ORC1: variants seen among roughly 807,000 people sequenced by gnomAD.
The protein encoded by ORC1 is origin recognition complex, subunit 1 homolog.
In ORC1, 61 loss-of-function variants were observed where a neutral mutation model predicts 98.9. The observed-to-expected ratio is 0.62, with a 90% CI of 0.50 to 0.76. The LOEUF (loss-of-function observed/expected upper bound fraction) is 0.76. Among genes scored for constraint, ORC1 ranks in the 30% least tolerant of loss-of-function variants. The probability of loss-of-function intolerance (pLI) is 0.00; values close to 1 mark genes in which losing one functional copy is unlikely to be tolerated. For missense variants in ORC1, 979 were observed against 1,072.2 expected, an observed-to-expected ratio of 0.91 and a Z score of 1.21; for synonymous variants, 385 against 406.9, an observed-to-expected ratio of 0.95 and a Z score of 0.65.
intron 3 of ORC1, among the ~76,000 whole-genome samples, chr1:52,400,014 G>A (rs1647628130): frequency 6.6e-6 from 1 of 152,184 alleles, no homozygotes; most frequent in African/African-American, 2.4e-5. Context: ...TTCAGAGAAA[G>A]ACTAAAGTCA....
At chr1:52,405,473 G>A (rs889968486), upstream of ORC1, among the ~76,000 whole-genome samples, 3 of 152,192 alleles carry the variant, frequency 2.0e-5, no homozygotes, top group African/African-American at 7.2e-5. Context: ...GGTTAAGTGA[G>A]ATAATATGAA....
At position 52,383,434 on chromosome 1, in the gene ORC1, C is replaced by T; in HGVS notation, c.1999G>A (p.Val667Met). The change falls in exon 13 of 17, where the codon GTG becomes ATG. Residue 667 changes from valine to methionine, a missense_variant. Coordinates refer to ENST00000371568, the MANE Select transcript of ORC1 (RefSeq NM_004153.4). ...CTAGAACCTACCAGTCGGCTGGACA[C>T]CCGGTTCATCATGATTCGCTCTGGC... ...DLPERIMMNR[V>M]SSRLGLTRMC... The T allele has an allele frequency of 6.2e-7, 1 of 1,612,684 alleles. No homozygotes were observed. The highest frequency in any genetic ancestry group is 8.5e-7 in the Non-Finnish European group (1 of 1,180,032).
chr1:52,380,572 G>A (rs1647055898), intron 14 of ORC1, among the ~76,000 whole-genome samples: 1 of 152,028 alleles, frequency 6.6e-6, no homozygotes, highest in Non-Finnish European at 1.5e-5. Context: ...GCACACGCCT[G>A]TAATCCCAGC....
chr1:52,389,105 A>T (rs1647178847), intron 7 of ORC1, 112 bp downstream of exon 7: 18 of 826,102 alleles, frequency 2.2e-5, no homozygotes, highest in Middle Eastern at 2.9e-4. Flanking sequence ...GCTAGGTAAA[A>T]GGTCAATTTC....
chr1:52,385,467 A>G (rs1387769650), intron 9 of ORC1, among the ~76,000 whole-genome samples: 1 of 152,098 alleles, frequency 6.6e-6, no homozygotes, highest in Non-Finnish European at 1.5e-5. Context: ...CCCAAATCAC[A>G]TGGGTGGACC....
rs192261484 is a variant in ORC1, at chr1:52,381,363, C to A, written c.2133+279G>T. Among the ~76,000 whole-genome samples, 35 of 152,288 alleles carry A rather than the reference C, an allele frequency of 2.3e-4. No homozygotes were observed. In the East Asian group the frequency reaches 6.4e-3, roughly 28 times the overall value. The stretch of plus-strand genomic sequence containing the variant: ...TAAGCGTTAAAGCCAGAATTCAAAC[C>A]AGGTTTGTCTACCTGACTATATTGT... On this transcript the variant is annotated intron_variant, in intron 14 of 16. Transcript: ENST00000371568.
Position 52,381,668 on chromosome 1 carries a change from C to A in ORC1, c.2107G>T (p.Asp703Tyr). 1 of 1,613,122 alleles carries A rather than the reference C, an allele frequency of 6.2e-7. No individual in the cohort carries two copies. The highest frequency in any genetic ancestry group is 8.5e-7 in the Non-Finnish European group (1 of 1,179,816). Residue 703 changes from aspartate (D) to tyrosine (Y), a missense_variant, in exon 14 of 17, where the codon GAT (aspartate) becomes TAT (tyrosine). Transcript: ENST00000371568. Reference sequence around the variant, plus strand: ...TTCCTGGCTACCAGCTGGATGGCATCATCTTCAAAGGCCTTTAGATGCTTG... The same window carrying A: ...TTCCTGGCTACCAGCTGGATGGCATAATCTTCAAAGGCCTTTAGATGCTTG... ...RLKHLKAFED[D>Y]AIQLVARKVA...
At chr1:52,403,608 T>C (rs1557588725) in intron 1 of ORC1, among the ~76,000 whole-genome samples, 3 of 152,194 alleles carry the variant, frequency 2.0e-5, no homozygotes, top group Admixed American at 6.5e-5. Flanking sequence ...GTTTCACAAA[T>C]AGATCAGGAT....
At chr1:52,378,716 C>A (rs1331382703) in intron 14 of ORC1, among the ~76,000 whole-genome samples, 1 of 151,582 alleles carries the variant, frequency 6.6e-6, no homozygotes. Context: ...AGGGAAGCAT[C>A]AGGAGAAGAT....
chr1:52,383,940 G>A lies in ORC1; in HGVS notation c.1756-3C>T. 1 of 1,612,868 alleles carries A rather than the reference G, an allele frequency of 6.2e-7. No homozygotes were observed. Among genetic ancestry groups the A allele is most frequent in the Non-Finnish European group, 8.5e-7 (1 of 1,178,840 alleles). Reference sequence around the variant, plus strand: ...GTTGCTTTTTGGCCTGTTAGCTTCTGCATTAGGAGAAACACAGTTGTGAGG... The same window carrying A: ...GTTGCTTTTTGGCCTGTTAGCTTCTACATTAGGAGAAACACAGTTGTGAGG... On this transcript the variant is annotated splice_polypyrimidine_tract_variant and splice_region_variant and intron_variant, in intron 11 of 16. Coordinates refer to ENST00000371568, the MANE Select transcript of ORC1 (RefSeq NM_004153.4).
At chr1:52,390,396 T>C (rs1647192866) in intron 6 of ORC1, among the ~76,000 whole-genome samples, 1 of 152,092 alleles carries the variant, frequency 6.6e-6, no homozygotes, top group Non-Finnish European at 1.5e-5. Context: ...TAAAGCCAAA[T>C]ACTTATAGCC....
chr1:52,380,378 C>T (rs938730616), intron 14 of ORC1, among the ~76,000 whole-genome samples: 9 of 152,146 alleles, frequency 5.9e-5, no homozygotes, highest in African/African-American at 2.2e-4. Flanking sequence ...TGGAGGAAAA[C>T]GGGAAAGGAC....
At position 52,383,437 on chromosome 1, in the gene ORC1, G is replaced by A. The variant is rs201253919; in HGVS notation, c.1996C>T (p.Arg666Trp). The change falls in exon 13 of 17, where the codon CGG (arginine) becomes TGG (tryptophan). Residue 666 changes from arginine to tryptophan, a missense_variant. Transcript: ENST00000371568. ...GAACCTACCAGTCGGCTGGACACCC[G>A]GTTCATCATGATTCGCTCTGGCAGG... The part of the protein sequence containing the change: ...MDLPERIMMN[R>W]VSSRLGLTRM... The A allele has an allele frequency of 6.8e-5, 110 of 1,612,738 alleles. No homozygotes were observed. Among genetic ancestry groups the A allele is most frequent in the Non-Finnish European group, 9.0e-5 (106 of 1,180,032 alleles).
At chr1:52,402,727 A>T (rs548819372) in intron 1 of ORC1, among the ~76,000 whole-genome samples, 8 of 152,316 alleles carry the variant, frequency 5.3e-5, no homozygotes, top group African/African-American at 1.9e-4. Context: ...TGAGGTCAGG[A>T]GTTCGGGACC....
intron 8 of ORC1, among the ~76,000 whole-genome samples, chr1:52,386,643 G>A (rs12082947): frequency 0.028 from 4,204 of 152,200 alleles, 137 homozygotes; most frequent in African/African-American, 0.078. Flanking sequence ...ATTTCCTCCC[G>A]AGGCAGAAAG....
At chr1:52,390,384 A>G (rs866193405) in intron 6 of ORC1, among the ~76,000 whole-genome samples, 2 of 152,258 alleles carry the variant, frequency 1.3e-5, no homozygotes, top group South Asian at 4.1e-4. Flanking sequence ...AGAACCCAGA[A>G]ATAAAGCCAA....
chr1:52,383,329 G>C, intron 13 of ORC1, 91 bp downstream of exon 13: 1 of 1,508,758 alleles, frequency 6.6e-7, no homozygotes, highest in Middle Eastern at 2.4e-4. Flanking sequence ...GTTTACAGGC[G>C]TGAGCCACCA....
At chr1:52,378,696 T>C (rs1428659900) in intron 14 of ORC1, among the ~76,000 whole-genome samples, 1 of 150,502 alleles carries the variant, frequency 6.6e-6, no homozygotes, top group Non-Finnish European at 1.5e-5. Context: ...ACCCCAAGAC[T>C]CTAAAAGGAA....
chr1:52,383,689 T>C lies in ORC1; in HGVS notation c.1864-120A>G. The C allele has an allele frequency of 2.2e-6, 3 of 1,336,334 alleles. 1 individual carries two copies. In the South Asian group the frequency reaches 3.6e-5, roughly 16 times the overall value. The allele number at this position is 1,336,334 out of a possible 1,614,324, so 82.8% of individuals were successfully genotyped here. ...TTCCCAAGTCATAGCACCAAAACAA[T>C]CCATTGACACACGCCTCTCAGCACC... On this transcript the variant is annotated intron_variant, in intron 12 of 16. Transcript: ENST00000371568.
Sources: gnomAD v4.1 joint callset for allele counts (sites outside exome capture counted in the v4.1 genomes callset) on GRCh38, gnomAD v4.1.1 for gene constraint, MANE v1.5 for transcripts, NCBI Gene and HGNC (gene_info 2026-07-23, HGNC 2026-07-21) for gene names.